The following DDX10 variants were observed in gnomAD, a reference collection of about 807,000 sequenced individuals.
DDX10 encodes the protein DEAD-box helicase 10.
A neutral mutation model predicts 104.3 loss-of-function variants in DDX10; 74 were observed. The ratio of observed to expected loss-of-function variants is 0.71; its 90% CI spans 0.59 to 0.86. The LOEUF (loss-of-function observed/expected upper bound fraction) is 0.86, where lower values mean the gene tolerates loss of function less well. DDX10 is among the 40% of genes least tolerant of loss of function. The pLI is 0.00. For missense variants in DDX10, 952 were observed against 1,040.0 expected, an observed-to-expected ratio of 0.92 and a Z score of 1.16; for synonymous variants, 351 against 353.4, an observed-to-expected ratio of 0.99 and a Z score of 0.08.
In DDX10 at chr11:108,682,915, C is replaced by G. The variant is rs190644004; in HGVS notation, c.848+3355C>G. ...TCTTCAAAGACATCTTTGTTGTACT[C>G]TAAGTTCCATTATTTCTGTCAAAGT... On this transcript the variant is annotated intron_variant, in intron 6 of 17. Coordinates refer to ENST00000322536, the MANE Select transcript of DDX10 (RefSeq NM_004398.4). Among the ~76,000 whole-genome samples the G allele has an allele frequency of 2.7e-3, 411 of 152,018 alleles. 1 individual carries two copies. Among genetic ancestry groups the G allele is most frequent in the African/African-American group, 8.1e-3 (335 of 41,452 alleles).
At chr11:108,815,944 C>T (rs933930841) in intron 13 of DDX10, among the ~76,000 whole-genome samples, 17 of 152,120 alleles carry the variant, frequency 1.1e-4, no homozygotes, top group African/African-American at 3.9e-4. Context: ...CTATTCAGGT[C>T]AGGTTTTTGT....
intron 13 of DDX10, among the ~76,000 whole-genome samples, chr11:108,797,157 C>G (rs1861954238): frequency 6.6e-6 from 1 of 152,120 alleles, no homozygotes; most frequent in Non-Finnish European, 1.5e-5. Flanking sequence ...CCTCAGCCTC[C>G]TGAGTAGCTG....
chr11:108,760,692 T>A (rs1041467896), intron 13 of DDX10, among the ~76,000 whole-genome samples: 22 of 150,922 alleles, frequency 1.5e-4, no homozygotes, highest in African/African-American at 3.7e-4. Flanking sequence ...TTTTTTTTTT[T>A]AAATTGGACT....
chr11:108,733,329 G>A (rs58210719), intron 13 of DDX10, among the ~76,000 whole-genome samples: 18,695 of 151,972 alleles, frequency 0.12, 1,551 homozygotes, highest in East Asian at 0.27. Context: ...TTCAGCAGCA[G>A]TTACCTAACG....
intron 13 of DDX10, among the ~76,000 whole-genome samples, chr11:108,795,586 G>A (rs1329272425): frequency 2.7e-5 from 4 of 147,688 alleles, no homozygotes; most frequent in Non-Finnish European, 5.9e-5. Flanking sequence ...GTGAGAACAT[G>A]AAGTGTTTGG....
At chr11:108,830,219 A>G (rs1210540967) in intron 13 of DDX10, among the ~76,000 whole-genome samples, 2 of 152,138 alleles carry the variant, frequency 1.3e-5, no homozygotes, top group African/African-American at 2.4e-5. Flanking sequence ...CATTTGTGTC[A>G]TCTGTGATTT....
rs552749305 is a variant in DDX10 at position 108,676,745 on chromosome 11, A to G, written c.379-340A>G. ...AGGCGTGAGCCACTGCGCCCAGCCAAAAGTTTTAGTGTGGTTATTTAGAAA... is the reference window on the plus strand; with the variant it reads ...AGGCGTGAGCCACTGCGCCCAGCCAGAAGTTTTAGTGTGGTTATTTAGAAA... On this transcript the variant is annotated intron_variant, in intron 3 of 17. Transcript: ENST00000322536. Among the ~76,000 whole-genome samples the G allele has an allele frequency of 4.6e-5, 7 of 152,262 alleles. No homozygotes were observed. The East Asian group carries it at 5.8e-4, about 13-fold the overall frequency.
chr11:108,726,329 G>T (rs2094305398), intron 13 of DDX10, among the ~76,000 whole-genome samples: 1 of 151,994 alleles, frequency 6.6e-6, no homozygotes, highest in South Asian at 2.1e-4. Flanking sequence ...GGAGAGAATT[G>T]ACATCATAAC....
chr11:108,712,908 T>G (rs1455967646), intron 10 of DDX10, among the ~76,000 whole-genome samples: 3 of 152,126 alleles, frequency 2.0e-5, no homozygotes, highest in Non-Finnish European at 4.4e-5. Context: ...GTGTTTCTCT[T>G]TCACTTTTGA....
At position 108,812,979 on chromosome 11, in the gene DDX10, TA is replaced by T. The variant is rs60528070; in HGVS notation, c.1966-25453del. ...CCTGGATGACAGAGTGACTCCATCT[TA>T]AAAAAAAAAAAAAGAACAAACATTT... On this transcript the variant is annotated intron_variant, in intron 13 of 17. Coordinates refer to ENST00000322536, the MANE Select transcript of DDX10 (RefSeq NM_004398.4). Among the ~76,000 whole-genome samples, 129 of 66,462 alleles carry T rather than the reference TA, an allele frequency of 1.9e-3. 4 individuals carry two copies. Among genetic ancestry groups the T allele is most frequent in the African/African-American group, 4.9e-3 (100 of 20,266 alleles). The allele number at this position is 66,462 out of a possible 152,430, so 43.6% of individuals were successfully genotyped here.
At chr11:108,853,961 T>G (rs1862830792) in intron 16 of DDX10, among the ~76,000 whole-genome samples, 1 of 152,232 alleles carries the variant, frequency 6.6e-6, no homozygotes, top group African/African-American at 2.4e-5. Context: ...ATTATTGCTC[T>G]GAATAGTTTA....
intron 13 of DDX10, among the ~76,000 whole-genome samples, chr11:108,727,219 G>A (rs1203198941): frequency 6.6e-6 from 1 of 151,862 alleles, no homozygotes; most frequent in African/African-American, 2.4e-5. Flanking sequence ...CATGTTGATC[G>A]TTGCCCTACT....
chr11:108,700,699 G>GACCGTGT, intron 9 of DDX10, among the ~76,000 whole-genome samples: 1 of 152,192 alleles, frequency 6.6e-6, no homozygotes, highest in Non-Finnish European at 1.5e-5. Flanking sequence ...TGTCACTAAT[G>GACCGTGT]ACCGTGTACC....
At chr11:108,858,835 G>C (rs1862904537) in intron 16 of DDX10, among the ~76,000 whole-genome samples, 1 of 152,114 alleles carries the variant, frequency 6.6e-6, no homozygotes. Context: ...GGTACTGTAT[G>C]GGTGGTAAAA....
chr11:108,782,988 T>C (rs1271191841), intron 13 of DDX10, among the ~76,000 whole-genome samples: 1 of 152,190 alleles, frequency 6.6e-6, no homozygotes, highest in Admixed American at 6.5e-5. Flanking sequence ...GTCTGGAATA[T>C]CTTTTCTTTC....
At chr11:108,917,356 G>A (rs538488214) in intron 16 of DDX10, among the ~76,000 whole-genome samples, 1 of 152,030 alleles carries the variant, frequency 6.6e-6, no homozygotes, top group South Asian at 2.1e-4. Flanking sequence ...AAACTTACAT[G>A]TGTGGACAGG....
At chr11:108,817,430 T>C (rs1010223502) in intron 13 of DDX10, among the ~76,000 whole-genome samples, 3 of 152,240 alleles carry the variant, frequency 2.0e-5, no homozygotes, top group African/African-American at 4.8e-5. Flanking sequence ...AGTTCCTCCT[T>C]CTTTTCTTTT....
intron 17 of DDX10, among the ~76,000 whole-genome samples, chr11:108,936,413 G>A (rs1864038068): frequency 6.6e-6 from 1 of 152,004 alleles, no homozygotes; most frequent in Non-Finnish European, 1.5e-5. Context: ...AAGAGTAATT[G>A]ACGTATACCT....
intron 13 of DDX10, among the ~76,000 whole-genome samples, chr11:108,745,234 T>TCC (rs1281672471): frequency 5.9e-5 from 8 of 135,270 alleles, no homozygotes; most frequent in African/African-American, 1.9e-4. Context: ...TCCTTCCCTT[T>TCC]CTCTTTCCCT....
Sources: gnomAD v4.1 joint callset for allele counts (sites outside exome capture counted in the v4.1 genomes callset) on GRCh38, gnomAD v4.1.1 for gene constraint, MANE v1.5 for transcripts, NCBI Gene and HGNC (gene_info 2026-07-23, HGNC 2026-07-21) for gene names.